The following PATJ variants were observed in gnomAD, a reference collection of about 807,000 sequenced individuals.
The protein encoded by PATJ is PATJ crumbs cell polarity complex component, also known as inaD-like protein.
Under a neutral mutation model 224.9 loss-of-function variants are expected in PATJ, and 190 were observed. The ratio of observed to expected loss-of-function variants is 0.84; its 90% CI spans 0.75 to 0.95. PATJ has a LOEUF of 0.95. Among genes scored for constraint, PATJ ranks in the 40% least tolerant of loss-of-function variants. The pLI is 0.00. For synonymous variants in PATJ, 769 were observed against 820.3 expected, an observed-to-expected ratio of 0.94 and a Z score of 1.07; for missense variants, 2,121 against 2,270.3, an observed-to-expected ratio of 0.93 and a Z score of 1.34.
intron 27 of PATJ, 72 bp from the exon 28 acceptor site, chr1:61,990,096 T>G: frequency 1.8e-6 from 2 of 1,104,124 alleles, no homozygotes; most frequent in Non-Finnish European, 1.3e-6. Context: ...ACAGTAAGGA[T>G]GGGGAAATGC....
intron 29 of PATJ, among the ~76,000 whole-genome samples, chr1:62,029,408 T>C (rs1648752875): frequency 6.6e-6 from 1 of 152,216 alleles, no homozygotes; most frequent in Admixed American, 6.5e-5. Flanking sequence ...CACTAATTTT[T>C]CTTTTGGCAA....
chr1:61,851,048 C>A (rs1258640567), intron 17 of PATJ, among the ~76,000 whole-genome samples: 1 of 152,072 alleles, frequency 6.6e-6, no homozygotes, highest in African/African-American at 2.4e-5. Context: ...TTGTAGTAGG[C>A]CCTGAAAATC....
chr1:61,958,720 A>G (rs140215024), intron 27 of PATJ, among the ~76,000 whole-genome samples: 32 of 152,294 alleles, frequency 2.1e-4, no homozygotes, highest in African/African-American at 7.7e-4. Context: ...TACCTGGTAG[A>G]GGGAGAATAT....
intron 27 of PATJ, among the ~76,000 whole-genome samples, chr1:61,979,213 C>T (rs908363978): frequency 1.3e-5 from 2 of 152,044 alleles, no homozygotes; most frequent in Admixed American, 6.6e-5. Flanking sequence ...ATCTACTCAT[C>T]TCTGATTTTT....
At chr1:62,102,423 G>A (rs773912749) in intron 33 of PATJ, among the ~76,000 whole-genome samples, 3 of 151,952 alleles carry the variant, frequency 2.0e-5, no homozygotes, top group Non-Finnish European at 4.4e-5. Context: ...ACAACTTTTT[G>A]TTTTGAACAT....
chr1:62,061,244 C>T (rs1363238563), intron 31 of PATJ, among the ~76,000 whole-genome samples: 1 of 151,848 alleles, frequency 6.6e-6, no homozygotes. Flanking sequence ...TACAGTAGTG[C>T]GATCTTGGCT....
At chr1:61,744,244 A>G (rs1435018683) in intron 1 of PATJ, among the ~76,000 whole-genome samples, 1 of 143,868 alleles carries the variant, frequency 7.0e-6, no homozygotes, top group Non-Finnish European at 1.5e-5. Context: ...TGTTTGCACC[A>G]CTACACTCCA....
chr1:62,113,440 C>A (rs1398043151), intron 34 of PATJ, among the ~76,000 whole-genome samples: 1 of 152,106 alleles, frequency 6.6e-6, no homozygotes. Flanking sequence ...AGTTTGAGGC[C>A]AGCCTGGGCA....
chr1:61,802,912 C>T (rs1356775606), intron 12 of PATJ, among the ~76,000 whole-genome samples: 1 of 152,100 alleles, frequency 6.6e-6, no homozygotes. Flanking sequence ...TACTTAACAC[C>T]ATCCATGTTC....
intron 33 of PATJ, among the ~76,000 whole-genome samples, chr1:62,088,205 TTA>T (rs1473060039): frequency 1.3e-5 from 2 of 152,126 alleles, no homozygotes; most frequent in African/African-American, 4.8e-5. Context: ...CTTTGTAATT[TTA>T]TGTCATCTGG....
At chr1:61,776,535 C>T (rs1050434845) in intron 7 of PATJ, among the ~76,000 whole-genome samples, 3 of 152,072 alleles carry the variant, frequency 2.0e-5, no homozygotes, top group Admixed American at 6.5e-5. Flanking sequence ...AAATTTTGAT[C>T]ATTTAGTGCA....
At chr1:61,754,520 G>GTT (rs548557219) in intron 1 of PATJ, among the ~76,000 whole-genome samples, 193 of 94,330 alleles carry the variant, frequency 2.0e-3, no homozygotes, top group Middle Eastern at 0.013. Flanking sequence ...TTTTTTGCAT[G>GTT]TTTTTTTTTT....
chr1:62,000,767 C>T (rs1052124509), intron 28 of PATJ, among the ~76,000 whole-genome samples: 2 of 150,926 alleles, frequency 1.3e-5, no homozygotes, highest in Non-Finnish European at 1.5e-5. Context: ...CCTGAGGGAT[C>T]GCCACACTGA....
Position 61,851,233 on chromosome 1 carries a change from C to A in PATJ, c.2113-4797C>A, listed in dbSNP as rs1233112332. On this transcript the variant is annotated intron_variant, in intron 17 of 43. Transcript: ENST00000642238. ...GAAGACCAAACTAATTCTAGAAGGT[C>A]AAATAGTAAAGGAAATATATTATGA... Among the ~76,000 whole-genome samples the A allele has an allele frequency of 2.6e-5, 4 of 152,080 alleles. No individual in the cohort carries two copies. The East Asian group carries it at 7.7e-4, about 29-fold the overall frequency.
chr1:61,954,752 ATTGTT>A (rs1680195010), intron 27 of PATJ, among the ~76,000 whole-genome samples: 2 of 112,306 alleles, frequency 1.8e-5, no homozygotes, highest in Non-Finnish European at 3.6e-5. Context: ...GCCAAACTCT[ATTGTT>A]TTTTTTTTTT....
intron 27 of PATJ, among the ~76,000 whole-genome samples, chr1:61,973,046 G>C (rs954433511): frequency 2.0e-5 from 3 of 151,836 alleles, no homozygotes; most frequent in African/African-American, 7.3e-5. Flanking sequence ...AATTCCTAGG[G>C]GAAGTAAAAG....
At position 61,753,653 on chromosome 1, in the gene PATJ, G is replaced by T. The variant is rs189883511; in HGVS notation, c.-35-9205G>T. On this transcript the variant is annotated intron_variant, in intron 1 of 43. Coordinates refer to ENST00000642238, the MANE Select transcript of PATJ (RefSeq NM_001350145.3). The stretch of plus-strand genomic sequence containing the variant: ...GCCTCCCGAGTAGCTGGGATTACAG[G>T]TGTGCATCACCACGTCAAGCTGATT... Among the ~76,000 whole-genome samples, 141 of 151,942 alleles carry T rather than the reference G, an allele frequency of 9.3e-4. No individual in the cohort carries two copies. The Middle Eastern group carries it at 0.01, about 11-fold the overall frequency.
chr1:61,861,284 C>CTTTTTTTTTTTTTTTTTTTTTTTTTTT, intron 18 of PATJ, among the ~76,000 whole-genome samples: 8 of 48,870 alleles, frequency 1.6e-4, no homozygotes, highest in African/African-American at 3.7e-4. Context: ...TTCTTTCTTT[C>CTTTTTTTTTTTTTTTTTTTTTTTTTTT]TTTTTTTTTT....
intron 27 of PATJ, among the ~76,000 whole-genome samples, chr1:61,984,870 G>A (rs949137301): frequency 1.3e-5 from 2 of 152,020 alleles, no homozygotes; most frequent in Admixed American, 1.3e-4. Flanking sequence ...TGTCTCCAGT[G>A]ATAGATTTTG....
Sources: gnomAD v4.1 joint callset for allele counts (sites outside exome capture counted in the v4.1 genomes callset) on GRCh38, gnomAD v4.1.1 for gene constraint, MANE v1.5 for transcripts, NCBI Gene and HGNC (gene_info 2026-07-23, HGNC 2026-07-21) for gene names.